The following FBN2 variants were observed in gnomAD, a reference collection of about 807,000 sequenced individuals.
FBN2 encodes fibrillin-2.
FBN2 carries 105 observed loss-of-function variants against 355.6 expected under a neutral mutation model. That is an observed-to-expected ratio of 0.30 (90% CI 0.25 to 0.35). The LOEUF is 0.35. FBN2 is among the 10% of genes least tolerant of loss of function. The pLI is 1.00. For missense variants in FBN2, 3,280 were observed against 3,758.7 expected (o/e 0.87, Z 3.33); for synonymous variants, 1,350 against 1,301.2 (o/e 1.04, Z -0.81).
At position 128,349,512 on chromosome 5, in the gene FBN2, C is replaced by T. The variant is rs928534221; in HGVS notation, c.2864-40G>A. ...AGCAAGCAGAGGAGCAAAGATGTTA[C>T]AAATAGAAAAAGCAGGTGTGGTCCT... On this transcript the variant is annotated intron_variant, in intron 22 of 64. Coordinates refer to ENST00000262464, the MANE Select transcript of FBN2 (RefSeq NM_001999.4). 2.5e-6 allele frequency: 4 copies of T among 1,608,826 alleles called. No individual in the cohort carries two copies. In the Admixed American group the frequency reaches 5.1e-5, roughly 20 times the overall value.
chr5:128,494,379 G>C (rs1755594009), intron 5 of FBN2, among the ~76,000 whole-genome samples: 1 of 152,134 alleles, frequency 6.6e-6, no homozygotes, highest in Non-Finnish European at 1.5e-5. Context: ...AGCTTTATGA[G>C]GGCATTCAGC....
chr5:128,304,853 T>C, intron 45 of FBN2, 104 bp downstream of exon 45: 3 of 1,462,014 alleles, frequency 2.1e-6, no homozygotes, highest in Non-Finnish European at 2.9e-6. Flanking sequence ...TGCAAGATTG[T>C]TTCTGACAGA....
chr5:128,509,010 G>A (rs1756040630), intron 5 of FBN2, among the ~76,000 whole-genome samples: 1 of 151,748 alleles, frequency 6.6e-6, no homozygotes, highest in South Asian at 2.1e-4. Flanking sequence ...TCTTTTCTCT[G>A]GCTACTTTAA....
At chr5:128,294,681 G>A (rs1455921487) in intron 48 of FBN2, among the ~76,000 whole-genome samples, 2 of 148,188 alleles carry the variant, frequency 1.3e-5, no homozygotes, top group East Asian at 2.0e-4. Context: ...TTTTTGATGG[G>A]GTTGTTTGTT....
At chr5:128,527,233 C>CA (rs1756585886) in intron 4 of FBN2, among the ~76,000 whole-genome samples, 1 of 152,168 alleles carries the variant, frequency 6.6e-6, no homozygotes, top group Admixed American at 6.6e-5. Context: ...TGATGTGTCA[C>CA]AATCCAGAAA....
chr5:128,448,932 C>T (rs147646281), intron 6 of FBN2, among the ~76,000 whole-genome samples: 1 of 151,822 alleles, frequency 6.6e-6, no homozygotes, highest in Admixed American at 6.6e-5. Context: ...CACATAGGAA[C>T]AGAAATCCTT....
At chr5:128,302,280 C>T (rs865888008) in intron 46 of FBN2, among the ~76,000 whole-genome samples, 1 of 152,192 alleles carries the variant, frequency 6.6e-6, no homozygotes, top group Non-Finnish European at 1.5e-5. Flanking sequence ...ACACATTATG[C>T]TGTAAATTAC....
Position 128,434,410 on chromosome 5 carries a change from A to G in FBN2, c.952+12071T>C, listed in dbSNP as rs1053750941. Among the ~76,000 whole-genome samples, 16 of 108,432 alleles carry G rather than the reference A, an allele frequency of 1.5e-4. 1 individual carries two copies. Among genetic ancestry groups the G allele is most frequent in the South Asian group, 2.8e-4 (1 of 3,588 alleles). 71.1% of individuals were successfully genotyped at this position (108,432 alleles called of 152,430 possible). Reference sequence around the variant, plus strand: ...ATAAAGTGTGTATATATATATATATATATATATATATATATGGGCAGTAAG... The same window carrying G: ...ATAAAGTGTGTATATATATATATATGTATATATATATATATGGGCAGTAAG... On this transcript the variant is annotated intron_variant, in intron 7 of 64. Transcript: ENST00000262464.
chr5:128,297,306 G>A (rs377459132), intron 48 of FBN2, among the ~76,000 whole-genome samples: 3 of 152,212 alleles, frequency 2.0e-5, no homozygotes, highest in South Asian at 2.1e-4. Context: ...AAAAAAATGT[G>A]TATTCTGTTG....
chr5:128,328,480 A>G (rs1750611456), intron 34 of FBN2: 4 of 637,292 alleles, frequency 6.3e-6, no homozygotes, highest in South Asian at 5.4e-5. Context: ...CAAACTTCCA[A>G]CTACTGGCTC....
intron 5 of FBN2, among the ~76,000 whole-genome samples, chr5:128,471,021 A>G (rs867206071): frequency 6.4e-4 from 97 of 152,270 alleles, no homozygotes; most frequent in African/African-American, 2.1e-3. Flanking sequence ...AAGTACATTT[A>G]AAAATGTAGG....
chr5:128,288,323 A>C, intron 53 of FBN2, 115 bp downstream of exon 53: 1 of 1,255,972 alleles, frequency 8.0e-7, no homozygotes, highest in Non-Finnish European at 1.1e-6. Context: ...AAAAACAAAA[A>C]ACCCCACCGT....
chr5:128,369,273 G>A lies in FBN2; in HGVS notation c.2157C>T (p.Phe719=). 1.9e-6 allele frequency: 3 copies of A among 1,614,090 alleles called. 1 individual carries two copies. The South Asian group carries it at 3.3e-5, about 18-fold the overall frequency. Residue 719 remains phenylalanine, a synonymous_variant, in exon 16 of 65, where the codon TTC becomes TTT. Coordinates refer to ENST00000262464, the MANE Select transcript of FBN2 (RefSeq NM_001999.4). ...ATTCGGACTTGGTCACTGCACCGGGGAAAGGACGCACACACACTCCTTTCT... is the reference window on the plus strand; with the variant it reads ...ATTCGGACTTGGTCACTGCACCGGGAAAAGGACGCACACACACTCCTTTCT... ...GIKKGVCVRP[F]PGAVTKSECC... is the part of the protein sequence containing the mutation.
At chr5:128,511,172 A>T (rs1005823553) in intron 5 of FBN2, among the ~76,000 whole-genome samples, 4 of 152,238 alleles carry the variant, frequency 2.6e-5, no homozygotes, top group African/African-American at 4.8e-5. Flanking sequence ...TACAACTTTA[A>T]TCTAGCAGAC....
rs140437100 is a variant in FBN2 at position 128,259,665 on chromosome 5, G to A, written c.8529C>T (p.Ser2843=). Residue 2843 remains serine (S), a synonymous_variant, in exon 65 of 65, where the codon AGC becomes AGT. Coordinates refer to ENST00000262464, the MANE Select transcript of FBN2 (RefSeq NM_001999.4). ...CATTCCTTTGGTGGATGCGGAAGAC[G>A]CTGTCATCGTTCCCTTGAGAGATGA... is the stretch of plus-strand genomic sequence containing the variant. ...RYVISQGNDD[S]VFRIHQRNGL... The A allele has an allele frequency of 2.0e-5, 33 of 1,613,928 alleles. No individual in the cohort carries two copies. Among genetic ancestry groups the A allele is most frequent in the East Asian group, 1.6e-4 (7 of 44,870 alleles).
intron 7 of FBN2, among the ~76,000 whole-genome samples, chr5:128,409,031 C>T (rs1428668323): frequency 1.3e-5 from 2 of 151,996 alleles, no homozygotes; most frequent in Non-Finnish European, 1.5e-5. Flanking sequence ...AAGCAGAACT[C>T]TATACCCTTT....
chr5:128,276,834 AG>A (rs1765405431), intron 58 of FBN2, among the ~76,000 whole-genome samples: 1 of 152,110 alleles, frequency 6.6e-6, no homozygotes, highest in Non-Finnish European at 1.5e-5. Flanking sequence ...CTTTTGGCCC[AG>A]GGGTAGTACA....
intron 48 of FBN2, among the ~76,000 whole-genome samples, chr5:128,296,036 T>C (rs537380639): frequency 7.2e-5 from 11 of 152,294 alleles, no homozygotes; most frequent in Non-Finnish European, 1.0e-4. Context: ...ATTGAGAGTT[T>C]TTAGCATGAA....
intron 8 of FBN2, 138 bp from the exon 9 acceptor site, chr5:128,395,412 T>A: frequency 1.1e-6 from 1 of 941,968 alleles, no homozygotes; most frequent in Non-Finnish European, 1.6e-6. Flanking sequence ...TTCACTCTCT[T>A]AATATCTCAG....
Sources: allele counts gnomAD v4.1 joint callset (sites outside exome capture counted in the v4.1 genomes callset), GRCh38; gene constraint gnomAD v4.1.1; transcripts MANE v1.5; gene names NCBI Gene and HGNC (gene_info 2026-07-23, HGNC 2026-07-21).